EYS: variants seen among roughly 807,000 people sequenced by gnomAD.
EYS encodes the protein protein eyes shut homolog.
In EYS, 250 loss-of-function variants were observed where a neutral mutation model predicts 282.1. That is an observed-to-expected ratio of 0.89 (90% CI 0.80 to 0.98). The LOEUF (loss-of-function observed/expected upper bound fraction) is 0.98. EYS is among the 50% of genes least tolerant of loss of function. EYS has a pLI of 0.00. For synonymous variants in EYS, 1,355 were observed against 1,282.9 expected (o/e 1.06, Z -1.20); for missense variants, 4,016 against 3,709.0 (o/e 1.08, Z -2.15).
At chr6:65,157,906 C>T (rs536372641) in intron 12 of EYS, among the ~76,000 whole-genome samples, 3 of 150,582 alleles carry the variant, frequency 2.0e-5, no homozygotes, top group Non-Finnish European at 4.5e-5. Flanking sequence ...TCATGTATAG[C>T]GTATTGTGCA....
chr6:64,335,193 G>A (rs985476395), intron 29 of EYS, among the ~76,000 whole-genome samples: 1 of 152,028 alleles, frequency 6.6e-6, no homozygotes, highest in Non-Finnish European at 1.5e-5. Context: ...CCTACTAGTA[G>A]TAGTAACAGA....
chr6:65,057,521 T>C (rs1773451676), intron 13 of EYS, 93 bp downstream of exon 13: 1 of 787,828 alleles, frequency 1.3e-6, no homozygotes, highest in African/African-American at 1.7e-5. Flanking sequence ...ACTAATAATG[T>C]TGTTGGAAGA....
At chr6:65,374,224 C>T (rs577272425) in intron 8 of EYS, among the ~76,000 whole-genome samples, 5 of 152,124 alleles carry the variant, frequency 3.3e-5, no homozygotes, top group South Asian at 2.1e-4. Flanking sequence ...GCAGTGAGTG[C>T]GGCCCACCAA....
chr6:64,986,451 G>A (rs1770860435), intron 14 of EYS, among the ~76,000 whole-genome samples: 1 of 150,088 alleles, frequency 6.7e-6, no homozygotes, highest in Admixed American at 6.7e-5. Flanking sequence ...TGACTGCCTT[G>A]AATTATTGGA....
At chr6:65,180,195 G>C (rs193003428) in intron 12 of EYS, among the ~76,000 whole-genome samples, 2 of 152,190 alleles carry the variant, frequency 1.3e-5, no homozygotes, top group East Asian at 3.9e-4. Context: ...ACTGTTGGAA[G>C]TTCTGGCCAG....
At chr6:65,343,448 T>C (rs1770272500) in intron 10 of EYS, among the ~76,000 whole-genome samples, 1 of 151,298 alleles carries the variant, frequency 6.6e-6, no homozygotes, top group Non-Finnish European at 1.5e-5. Context: ...AAAATGAAGA[T>C]TCTTAAATTT....
At chr6:64,853,444 A>C (rs766522240) in intron 19 of EYS, among the ~76,000 whole-genome samples, 9 of 152,160 alleles carry the variant, frequency 5.9e-5, no homozygotes, top group Non-Finnish European at 1.2e-4. Flanking sequence ...ACAGCCGACT[A>C]TGAGAAGCTT....
chr6:64,682,569 G>A (rs1005674886), intron 22 of EYS, among the ~76,000 whole-genome samples: 1 of 152,114 alleles, frequency 6.6e-6, no homozygotes, highest in African/African-American at 2.4e-5. Context: ...CATCAGAAAA[G>A]TGAAGAAAGC....
chr6:64,968,688 C>A (rs1770184512), intron 14 of EYS, among the ~76,000 whole-genome samples: 1 of 152,058 alleles, frequency 6.6e-6, no homozygotes, highest in Non-Finnish European at 1.5e-5. Flanking sequence ...TGTTTATTTT[C>A]TTTACTAGTC....
chr6:64,900,502 A>G (rs1767620297), intron 18 of EYS, among the ~76,000 whole-genome samples: 1 of 152,244 alleles, frequency 6.6e-6, no homozygotes, highest in Non-Finnish European at 1.5e-5. Context: ...GCTAATATAC[A>G]GAATCCACAA....
At chr6:64,324,746 C>A (rs1770345645) in intron 29 of EYS, among the ~76,000 whole-genome samples, 2 of 152,122 alleles carry the variant, frequency 1.3e-5, no homozygotes, top group African/African-American at 4.8e-5. Flanking sequence ...GCTACTGGAC[C>A]TGATACATAA....
At chr6:65,408,304 G>A (rs1766840490) in intron 5 of EYS, among the ~76,000 whole-genome samples, 1 of 152,032 alleles carries the variant, frequency 6.6e-6, no homozygotes, top group Admixed American at 6.6e-5. Context: ...TGGCCTGATA[G>A]CATGACTTCA....
chr6:64,491,282 C>A (rs999115030), intron 26 of EYS, among the ~76,000 whole-genome samples: 1 of 150,758 alleles, frequency 6.6e-6, no homozygotes, highest in African/African-American at 2.4e-5. Context: ...ACAAAATAAA[C>A]CACAACTCCT....
At chr6:65,128,351 A>G (rs947830735) in intron 12 of EYS, among the ~76,000 whole-genome samples, 3 of 152,018 alleles carry the variant, frequency 2.0e-5, no homozygotes, top group Non-Finnish European at 2.9e-5. Flanking sequence ...AGTGAAGTTA[A>G]TAAAAGGCAT....
intron 26 of EYS, among the ~76,000 whole-genome samples, chr6:64,476,789 G>C (rs1158365763): frequency 6.6e-6 from 1 of 152,068 alleles, no homozygotes; most frequent in African/African-American, 2.4e-5. Context: ...TTTCTGATTT[G>C]TCAATAAAAA....
intron 35 of EYS, among the ~76,000 whole-genome samples, chr6:63,899,668 T>C (rs985512073): frequency 6.6e-6 from 1 of 152,202 alleles, no homozygotes; most frequent in Non-Finnish European, 1.5e-5. Context: ...AAAGTGTTCT[T>C]TGATCCTTCC....
intron 31 of EYS, among the ~76,000 whole-genome samples, chr6:64,194,215 C>T (rs1213635153): frequency 1.3e-5 from 2 of 152,004 alleles, no homozygotes; most frequent in East Asian, 1.9e-4. Flanking sequence ...AAGAACACAC[C>T]CCCACCAACC....
rs561868095 is a variant in EYS, at chr6:64,886,414, T to C, written c.2992+283A>G. ...TGTTAGATTACCCATACAGAAATAC[T>C]TTTTTGTATATTATAGCCATGCAAA... On this transcript the variant is annotated intron_variant, in intron 19 of 42. Coordinates refer to ENST00000503581, the MANE Select transcript of EYS (RefSeq NM_001142800.2). Among the ~76,000 whole-genome samples the C allele has an allele frequency of 1.0e-3, 154 of 152,150 alleles. 1 individual carries two copies. Among genetic ancestry groups the C allele is most frequent in the African/African-American group, 3.7e-3 (152 of 41,542 alleles).
intron 35 of EYS, among the ~76,000 whole-genome samples, chr6:63,930,600 G>A (rs575786968): frequency 6.6e-6 from 1 of 152,002 alleles, no homozygotes; most frequent in East Asian, 1.9e-4. Context: ...GCTTATTTTA[G>A]ATATAAAAAT....
Sources: allele counts gnomAD v4.1 joint callset (sites outside exome capture counted in the v4.1 genomes callset), GRCh38; gene constraint gnomAD v4.1.1; transcripts MANE v1.5; gene names NCBI Gene and HGNC (gene_info 2026-07-23, HGNC 2026-07-21).